The following PARN variants were observed in gnomAD, a reference collection of about 807,000 sequenced individuals.
PARN encodes poly(A)-specific ribonuclease, also known as poly(A)-specific ribonuclease PARN.
In PARN, 71 loss-of-function variants were observed where a neutral mutation model predicts 102.8. The observed-to-expected ratio is 0.69, with a 90% confidence interval of 0.57 to 0.84. PARN has a LOEUF of 0.84. Ranked by LOEUF, PARN falls within the 40% of genes least tolerant of loss-of-function variation. PARN has a pLI of 0.00. For synonymous variants in PARN, 261 were observed against 252.9 expected, an observed-to-expected ratio of 1.03 and a Z score of -0.30; for missense variants, 782 against 760.9, an observed-to-expected ratio of 1.03 and a Z score of -0.33.
chr16:14,542,121 C>T lies in PARN; in HGVS notation c.1480+9900G>A, dbSNP rs146426176. On this transcript the variant is annotated intron_variant, in intron 21 of 23. Coordinates refer to ENST00000437198, the MANE Select transcript of PARN (RefSeq NM_002582.4). ...CTGAGCTCAGGGGATCCTCTCACCT[C>T]AGCCTCCTAAGTAGCTGGGACTACA... 2.3e-3 allele frequency among the ~76,000 whole-genome samples: 352 copies of T among 151,996 alleles called. 5 individuals carry two copies. The highest frequency in any genetic ancestry group is 0.014 in the Middle Eastern group (4 of 290).
chr16:14,473,412 G>C (rs1962860364), intron 22 of PARN, among the ~76,000 whole-genome samples: 1 of 152,178 alleles, frequency 6.6e-6, no homozygotes, highest in Non-Finnish European at 1.5e-5. Flanking sequence ...TTTTGCTGTG[G>C]CGGCTAGACT....
At chr16:14,592,926 A>C in intron 13 of PARN, among the ~76,000 whole-genome samples, 1 of 152,186 alleles carries the variant, frequency 6.6e-6, no homozygotes, top group Non-Finnish European at 1.5e-5. Context: ...TCACGAGGTC[A>C]GGAGTTCGAG....
intron 11 of PARN, chr16:14,602,134 CTTTA>C (rs1970910064): frequency 6.6e-6 from 1 of 151,636 alleles, no homozygotes; most frequent in Non-Finnish European, 1.5e-5. Flanking sequence ...GGAAAAATTG[CTTTA>C]ATTATAGTTT....
chr16:14,481,251 T>C (rs1201070937), intron 22 of PARN, among the ~76,000 whole-genome samples: 2 of 152,120 alleles, frequency 1.3e-5, no homozygotes, highest in Non-Finnish European at 2.9e-5. Context: ...ATCAAGAGAA[T>C]GGGGGTAAAA....
intron 23 of PARN, among the ~76,000 whole-genome samples, chr16:14,441,224 G>A (rs1342144763): frequency 6.6e-6 from 1 of 152,060 alleles, no homozygotes; most frequent in Non-Finnish European, 1.5e-5. Context: ...TGGGGGCTGG[G>A]GGCTTAATTG....
At chr16:14,539,875 C>G (rs1199531072) in intron 21 of PARN, among the ~76,000 whole-genome samples, 1 of 152,174 alleles carries the variant, frequency 6.6e-6, no homozygotes, top group Admixed American at 6.5e-5. Context: ...CTGTACTGAA[C>G]ACACAGACTT....
chr16:14,549,220 TAA>T (rs1432999801), intron 21 of PARN, among the ~76,000 whole-genome samples: 1 of 152,144 alleles, frequency 6.6e-6, no homozygotes, highest in Admixed American at 6.5e-5. Context: ...ACCGGAAAAT[TAA>T]ACTTTACTAG....
intron 21 of PARN, among the ~76,000 whole-genome samples, chr16:14,507,219 G>A (rs533672870): frequency 1.3e-5 from 2 of 152,184 alleles, no homozygotes; most frequent in Admixed American, 6.5e-5. Flanking sequence ...CCAGCTACTC[G>A]GGAGGCTGAG....
chr16:14,487,036 C>A (rs1963743187), intron 21 of PARN, among the ~76,000 whole-genome samples: 1 of 152,228 alleles, frequency 6.6e-6, no homozygotes, highest in Non-Finnish European at 1.5e-5. Flanking sequence ...ACAGCACGGT[C>A]CGGGGTGGTC....
At chr16:14,533,158 C>A (rs185815090) in intron 21 of PARN, among the ~76,000 whole-genome samples, 3,916 of 152,236 alleles carry the variant, frequency 0.026, 75 homozygotes, top group Non-Finnish European at 0.043. Flanking sequence ...AACCCCGGCA[C>A]CTCAGGAGGC....
At chr16:14,616,253 C>G (rs1971895880) in intron 6 of PARN, among the ~76,000 whole-genome samples, 1 of 152,148 alleles carries the variant, frequency 6.6e-6, no homozygotes, top group Non-Finnish European at 1.5e-5. Flanking sequence ...CCCATTTATG[C>G]ATCAAATATT....
intron 18 of PARN, among the ~76,000 whole-genome samples, chr16:14,579,137 T>A (rs566591601): frequency 6.6e-6 from 1 of 152,206 alleles, no homozygotes; most frequent in Admixed American, 6.5e-5. Flanking sequence ...CAGGCTAATT[T>A]TTGTACTTTT....
chr16:14,440,934 GT>G lies in PARN; in HGVS notation c.1865-4163del, dbSNP rs572836016. 1.0e-3 allele frequency among the ~76,000 whole-genome samples: 157 copies of G among 152,232 alleles called. 1 individual carries two copies. The highest frequency in any genetic ancestry group is 3.5e-3 in the African/African-American group (144 of 41,530). ...GTTGTATATCGTGATCATAGTGGTG[GT>G]TATATGACTGTACACAGATGTCAAA... On this transcript the variant is annotated intron_variant, in intron 23 of 23. Coordinates refer to ENST00000437198, the MANE Select transcript of PARN (RefSeq NM_002582.4).
chr16:14,629,824 G>C, intron 1 of PARN, 150 bp from the exon 2 acceptor site: 1 of 694,298 alleles, frequency 1.4e-6, no homozygotes, highest in Non-Finnish European at 2.5e-6. Flanking sequence ...TCAAGTCCTC[G>C]AGGGGTGCAT....
At chr16:14,500,574 ATAAAG>A (rs1206608532) in intron 21 of PARN, among the ~76,000 whole-genome samples, 1 of 152,112 alleles carries the variant, frequency 6.6e-6, no homozygotes, top group Non-Finnish European at 1.5e-5. Context: ...TGTGGATTTT[ATAAAG>A]TACTCTCTAC....
intron 22 of PARN, among the ~76,000 whole-genome samples, chr16:14,448,177 C>G (rs1158448863): frequency 6.6e-6 from 1 of 151,676 alleles, no homozygotes; most frequent in African/African-American, 2.4e-5. Flanking sequence ...GAGACAGAGT[C>G]TCGCTCTGTC....
Position 14,610,700 on chromosome 16 carries a change from A to T in PARN, c.498T>A (p.Thr166=), listed in dbSNP as rs1971473387. ...CAGGAATCGTGACAGGACATTTTGA[A>T]GTGTTAGGAGATACATAGGACAGAG... ...AGALSYVSPN[T]SKCPVTIPED... is the part of the protein sequence containing the mutation. Residue 166 remains threonine (T), a synonymous_variant, in exon 7 of 24, where the codon ACT becomes ACA. Transcript: ENST00000437198. 3 of 1,609,838 alleles carry T rather than the reference A, an allele frequency of 1.9e-6. No homozygotes were observed. In the South Asian group the frequency reaches 3.3e-5, roughly 18 times the overall value.
At chr16:14,623,765 A>C (rs1196396061) in intron 5 of PARN, among the ~76,000 whole-genome samples, 1 of 151,086 alleles carries the variant, frequency 6.6e-6, no homozygotes, top group Admixed American at 6.6e-5. Context: ...TGAACCCAGG[A>C]GGCAGAGGTT....
chr16:14,561,110 T>C (rs1439380159), intron 18 of PARN, among the ~76,000 whole-genome samples: 3 of 150,046 alleles, frequency 2.0e-5, no homozygotes, highest in African/African-American at 7.4e-5. Context: ...TGAGCCGAGA[T>C]TGCACTGCTG....
Sources: allele counts gnomAD v4.1 joint callset (sites outside exome capture counted in the v4.1 genomes callset), GRCh38; gene constraint gnomAD v4.1.1; transcripts MANE v1.5; gene names NCBI Gene and HGNC (gene_info 2026-07-23, HGNC 2026-07-21).